Variants in VDR observed in about 807,000 individuals in gnomAD.
VDR encodes vitamin D receptor.
VDR carries 19 observed loss-of-function variants against 39.7 expected under a neutral mutation model. That is an observed-to-expected ratio of 0.48 (90% CI 0.33 to 0.70). The LOEUF (loss-of-function observed/expected upper bound fraction) is 0.70. Among genes scored for constraint, VDR ranks in the 30% least tolerant of loss-of-function variants. The probability of loss-of-function intolerance (pLI) is 0.02; values close to 1 mark genes in which losing one functional copy is unlikely to be tolerated. For synonymous variants in VDR, 242 were observed against 215.8 expected (o/e 1.12, Z -1.07); for missense variants, 442 against 570.5 (o/e 0.77, Z 2.29).
chr12:47,845,586 C>T (rs1185494924), intron 9 of VDR, among the ~76,000 whole-genome samples: 4 of 152,136 alleles, frequency 2.6e-5, no homozygotes, highest in African/African-American at 9.7e-5. Flanking sequence ...GGGAGAGGAG[C>T]CTGTGTCCCA....
In VDR at chr12:47,857,331, T is replaced by C. The variant is rs563782192; in HGVS notation, c.463-82A>G. The stretch of plus-strand genomic sequence containing the variant: ...GCCCTGATCTCTGATAGGAATGGCT[T>C]TGAGGAAGGTCTACAGGAAGGCGAA... On this transcript the variant is annotated intron_variant, in intron 5 of 9. Coordinates refer to ENST00000549336, the MANE Select transcript of VDR (RefSeq NM_000376.3). The C allele has an allele frequency of 1.4e-4, 223 of 1,611,354 alleles. 1 individual carries two copies. In the East Asian group the frequency reaches 4.0e-3, roughly 29 times the overall value.
intron 3 of VDR, among the ~76,000 whole-genome samples, chr12:47,873,174 A>G (rs1434674071): frequency 1.3e-5 from 2 of 151,956 alleles, no homozygotes; most frequent in African/African-American, 4.8e-5. Flanking sequence ...TGTGATACTG[A>G]GTGAGTTCTC....
At chr12:47,897,608 T>A (rs1464765386) in intron 1 of VDR, among the ~76,000 whole-genome samples, 6 of 152,222 alleles carry the variant, frequency 3.9e-5, no homozygotes, top group Non-Finnish European at 8.8e-5. Context: ...GCTACCAGGA[T>A]GGTGAGTGTA....
At chr12:47,865,560 T>C (rs577272343) in intron 3 of VDR, among the ~76,000 whole-genome samples, 6 of 151,766 alleles carry the variant, frequency 4.0e-5, no homozygotes, top group Non-Finnish European at 7.4e-5. Context: ...TACAGGTGCA[T>C]ACCACCATGC....
chr12:47,900,011 C>A, intron 1 of VDR: 1 of 950,020 alleles, frequency 1.1e-6, no homozygotes, highest in Non-Finnish European at 1.3e-6. Flanking sequence ...AATAGCTCCC[C>A]ATTGGCCAAT....
rs966793198 is a variant in VDR, at chr12:47,856,554, A to T, written c.583+575T>A. On this transcript the variant is annotated intron_variant, in intron 6 of 9. Coordinates refer to ENST00000549336, the MANE Select transcript of VDR (RefSeq NM_000376.3). ...CTGGTATGGAAAAACAATGCCATAT[A>T]AAAAAAAGCAAGTCATCAGATTGTA... Among the ~76,000 whole-genome samples the T allele has an allele frequency of 2.6e-5, 4 of 151,802 alleles. 1 individual carries two copies. Among genetic ancestry groups the T allele is most frequent in the Non-Finnish European group, 5.9e-5 (4 of 67,964 alleles).
At chr12:47,860,937 C>T (rs903132012) in intron 4 of VDR, among the ~76,000 whole-genome samples, 1 of 152,176 alleles carries the variant, frequency 6.6e-6, no homozygotes, top group African/African-American at 2.4e-5. Flanking sequence ...ATTCTGAGAG[C>T]CTTTTGTATA....
chr12:47,855,216 T>C (rs1945457395), intron 7 of VDR, among the ~76,000 whole-genome samples: 1 of 152,052 alleles, frequency 6.6e-6, no homozygotes, highest in Non-Finnish European at 1.5e-5. Flanking sequence ...TAATCCCAGC[T>C]ACTTAGGAGG....
At position 47,881,748 on chromosome 12, in the gene VDR, T is replaced by C. The variant is rs147246565; in HGVS notation, c.-3+946A>G. 1.8e-4 allele frequency among the ~76,000 whole-genome samples: 28 copies of C among 152,322 alleles called. 1 individual carries two copies. The East Asian group carries it at 5.2e-3, about 28-fold the overall frequency. ...AAAGTGCTTGTGGATCTATCAACAT[T>C]GTCCCCAAAGACCATCCCAAGTCCA... On this transcript the variant is annotated intron_variant, in intron 2 of 9. Coordinates refer to ENST00000549336, the MANE Select transcript of VDR (RefSeq NM_000376.3).
At chr12:47,857,754 G>A (rs557402101) in intron 4 of VDR, 66 bp from the exon 5 acceptor site, 53 of 1,571,262 alleles carry the variant, frequency 3.4e-5, no homozygotes, top group African/African-American at 1.3e-4. Context: ...TTCCTCCTGC[G>A]GTTGGGGGTA....
chr12:47,879,469 A>T (rs1010302558), intron 2 of VDR, among the ~76,000 whole-genome samples: 2 of 152,184 alleles, frequency 1.3e-5, no homozygotes, highest in African/African-American at 4.8e-5. Context: ...CATATGCATG[A>T]ACCCATTCAT....
intron 3 of VDR, among the ~76,000 whole-genome samples, chr12:47,873,692 G>A (rs1945940158): frequency 6.6e-6 from 1 of 152,074 alleles, no homozygotes; most frequent in Admixed American, 6.6e-5. Context: ...CTCAGTCTTG[G>A]GTAGTTCTTT....
At chr12:47,855,858 T>G (rs1209078070) in intron 6 of VDR, 57 bp from the exon 7 acceptor site, 2 of 1,606,788 alleles carry the variant, frequency 1.2e-6, no homozygotes, top group African/African-American at 2.7e-5. Flanking sequence ...CCAGGCCCCC[T>G]CCTGCCAGAC....
At chr12:47,889,369 G>A (rs1312351896) in intron 1 of VDR, among the ~76,000 whole-genome samples, 1 of 152,096 alleles carries the variant, frequency 6.6e-6, no homozygotes, top group Non-Finnish European at 1.5e-5. Flanking sequence ...TTCCCTGTAG[G>A]AGGCCTGATG....
At chr12:47,904,898 C>G in intron 1 of VDR, 57 bp downstream of exon 1, 1 of 305,476 alleles carries the variant, frequency 3.3e-6, no homozygotes, top group Non-Finnish European at 6.2e-6. Context: ...ATCCCAGACG[C>G]CCCGACCCCG....
chr12:47,844,858 C>T lies in VDR; in HGVS notation c.1172G>A (p.Arg391His), dbSNP rs776088779. The T allele has an allele frequency of 1.9e-6, 3 of 1,614,058 alleles. No individual in the cohort carries two copies. The highest frequency in any genetic ancestry group is 1.3e-5 in the African/African-American group (1 of 74,910). ...CTTGGAGTGCTCCTCATTGAGGCTG[C>T]GCAGGTCGGCTAGCTTCTGGATCAT... is the stretch of plus-strand genomic sequence containing the variant. ...AKMIQKLADL[R>H]SLNEEHSKQY... Residue 391 changes from arginine (R) to histidine (H), a missense_variant, in exon 10 of 10, where the codon CGC (arginine) becomes CAC (histidine). Arg to His is a conservative substitution (Grantham distance 29). Transcript: ENST00000549336.
chr12:47,889,561 T>C (rs759347049), intron 1 of VDR, among the ~76,000 whole-genome samples: 5 of 152,202 alleles, frequency 3.3e-5, no homozygotes, highest in Non-Finnish European at 5.9e-5. Flanking sequence ...GAAAGTGGGA[T>C]ACGCCTGGCC....
At chr12:47,861,352 T>C (rs1383295264) in intron 4 of VDR, among the ~76,000 whole-genome samples, 1 of 152,252 alleles carries the variant, frequency 6.6e-6, no homozygotes, top group Non-Finnish European at 1.5e-5. Flanking sequence ...GCAACCTCCA[T>C]CTTCTATGGA....
intron 1 of VDR, among the ~76,000 whole-genome samples, chr12:47,888,953 C>T (rs942494777): frequency 2.0e-5 from 3 of 152,178 alleles, no homozygotes; most frequent in Non-Finnish European, 4.4e-5. Context: ...TGGGGCAATA[C>T]ATAAGCGAAT....
Sources: gnomAD v4.1 joint callset for allele counts (sites outside exome capture counted in the v4.1 genomes callset) on GRCh38, gnomAD v4.1.1 for gene constraint, MANE v1.5 for transcripts, NCBI Gene and HGNC (gene_info 2026-07-23, HGNC 2026-07-21) for gene names.